PTPRT: variants seen among roughly 807,000 people sequenced by gnomAD.
The protein encoded by PTPRT is receptor-type tyrosine-protein phosphatase T.
A neutral mutation model predicts 176.8 loss-of-function variants in PTPRT; 56 were observed. The observed-to-expected ratio is 0.32, with a 90% confidence interval of 0.26 to 0.40. The LOEUF is 0.40. PTPRT is among the 10% of genes least tolerant of loss of function. The pLI, the probability that PTPRT is intolerant of heterozygous loss-of-function variation, is 1.00. For missense variants in PTPRT, 1,540 were observed against 1,908.2 expected (o/e 0.81, Z 3.60); for synonymous variants, 783 against 739.0 (o/e 1.06, Z -0.96).
Position 42,464,462 on chromosome 20 carries a change from T to C in PTPRT, c.1450+7804A>G, listed in dbSNP as rs75839750. Among the ~76,000 whole-genome samples, 905 of 152,288 alleles carry C rather than the reference T, an allele frequency of 5.9e-3. 2 individuals carry two copies. The highest frequency in any genetic ancestry group is 7.7e-3 in the Non-Finnish European group (523 of 67,988). On this transcript the variant is annotated intron_variant, in intron 8 of 30. Coordinates refer to ENST00000373187, the MANE Select transcript of PTPRT (RefSeq NM_007050.6). ...GGGTGGTCAGGGAATGCCCTTCAGGTAAGATTTTGAATTCTATTTACTCCT... is the reference window on the plus strand; with the variant it reads ...GGGTGGTCAGGGAATGCCCTTCAGGCAAGATTTTGAATTCTATTTACTCCT...
intron 15 of PTPRT, among the ~76,000 whole-genome samples, chr20:42,209,898 A>G (rs7344331): frequency 0.32 from 47,862 of 151,846 alleles, 8,521 homozygotes; most frequent in East Asian, 0.38. Context: ...AAAATCCTCA[A>G]TAAAATACTG....
chr20:42,497,409 C>T (rs1224743658), intron 7 of PTPRT, among the ~76,000 whole-genome samples: 1 of 151,688 alleles, frequency 6.6e-6, no homozygotes, highest in East Asian at 1.9e-4. Context: ...TTGTCTGCTG[C>T]CTCTTGGTGG....
intron 17 of PTPRT, among the ~76,000 whole-genome samples, chr20:42,159,058 T>C (rs892468565): frequency 3.3e-5 from 5 of 151,768 alleles, no homozygotes; most frequent in African/African-American, 1.2e-4. Context: ...AAATTTCAGA[T>C]TGCAAGTTCT....
intron 17 of PTPRT, among the ~76,000 whole-genome samples, chr20:42,146,343 G>T (rs919071340): frequency 2.0e-5 from 3 of 152,088 alleles, no homozygotes; most frequent in African/African-American, 7.2e-5. Flanking sequence ...CTGAAAGTGG[G>T]GTGAAGCCAA....
intron 7 of PTPRT, among the ~76,000 whole-genome samples, chr20:42,555,366 G>A (rs2072841712): frequency 6.6e-6 from 1 of 152,164 alleles, no homozygotes; most frequent in Non-Finnish European, 1.5e-5. Context: ...TGACAGTCTA[G>A]GGCGGCCAGG....
the PTPRT span, among the ~76,000 whole-genome samples, chr20:42,043,197 A>G: frequency 1.3e-5 from 2 of 152,352 alleles, no homozygotes; most frequent in East Asian, 1.9e-4. Flanking sequence ...GACTTTTCCA[A>G]TCAGCCTGTG....
chr20:42,609,107 T>C (rs1283178796), intron 7 of PTPRT, among the ~76,000 whole-genome samples: 5 of 152,130 alleles, frequency 3.3e-5, no homozygotes, highest in Non-Finnish European at 7.4e-5. Context: ...AGAGTCTCCT[T>C]CTGTCACCCA....
intron 9 of PTPRT, among the ~76,000 whole-genome samples, chr20:42,392,883 C>T (rs2058814145): frequency 2.6e-5 from 4 of 152,062 alleles, no homozygotes; most frequent in African/African-American, 9.7e-5. Flanking sequence ...AAAGCATACG[C>T]ATCTATTTAA....
intron 12 of PTPRT, among the ~76,000 whole-genome samples, chr20:42,291,603 G>A (rs113602976): frequency 9.2e-5 from 14 of 152,068 alleles, no homozygotes; most frequent in African/African-American, 3.1e-4. Flanking sequence ...GAGATGGTCT[G>A]CTGCTTTTAG....
chr20:42,940,685 T>C (rs565651580), intron 1 of PTPRT, among the ~76,000 whole-genome samples: 1 of 152,248 alleles, frequency 6.6e-6, no homozygotes, highest in Admixed American at 6.5e-5. Context: ...GATGTGCATC[T>C]CCCTGGGGAA....
At chr20:42,467,781 C>A (rs2071125140) in intron 8 of PTPRT, among the ~76,000 whole-genome samples, 1 of 152,154 alleles carries the variant, frequency 6.6e-6, no homozygotes, top group African/African-American at 2.4e-5. Flanking sequence ...AATGTTGAAT[C>A]TAGATGAGAG....
chr20:42,668,858 A>ATTTTTTT (rs755121515), intron 7 of PTPRT, among the ~76,000 whole-genome samples: 308 of 81,212 alleles, frequency 3.8e-3, no homozygotes, highest in Middle Eastern at 0.016. Flanking sequence ...CGCCCAGCTA[A>ATTTTTTT]TTTTTTTTTT....
intron 11 of PTPRT, among the ~76,000 whole-genome samples, chr20:42,339,321 G>A (rs879907922): frequency 1.4e-4 from 21 of 152,160 alleles, no homozygotes; most frequent in Admixed American, 1.2e-3. Context: ...GAAAACAGAG[G>A]TGTGTTTTTA....
At chr20:42,239,482 G>A (rs1328304854) in intron 14 of PTPRT, among the ~76,000 whole-genome samples, 5 of 142,768 alleles carry the variant, frequency 3.5e-5, no homozygotes, top group Admixed American at 7.3e-5. Flanking sequence ...GTGCAGTGGC[G>A]CGTGATCTCG....
At chr20:42,835,260 G>A (rs1257925488) in intron 2 of PTPRT, among the ~76,000 whole-genome samples, 3 of 152,166 alleles carry the variant, frequency 2.0e-5, no homozygotes, top group Non-Finnish European at 4.4e-5. Context: ...TTTTGAGGGG[G>A]AGTTGGAAAC....
chr20:42,696,880 T>C (rs1395737354), intron 6 of PTPRT, among the ~76,000 whole-genome samples: 1 of 152,166 alleles, frequency 6.6e-6, no homozygotes, highest in African/African-American at 2.4e-5. Context: ...TGCAGCCTTC[T>C]GAGTGACTCC....
At chr20:42,169,417 A>T (rs1036608196) in intron 16 of PTPRT, among the ~76,000 whole-genome samples, 1 of 152,062 alleles carries the variant, frequency 6.6e-6, no homozygotes, top group East Asian at 1.9e-4. Flanking sequence ...TAGACACTCT[A>T]TGTAGGGATG....
chr20:42,800,531 A>G (rs766749765), intron 2 of PTPRT, among the ~76,000 whole-genome samples: 6 of 152,212 alleles, frequency 3.9e-5, no homozygotes, highest in Non-Finnish European at 8.8e-5. Flanking sequence ...GCAGCTCTAA[A>G]TGGAAATGAC....
At chr20:43,019,778 A>T (rs1985567732) in intron 1 of PTPRT, among the ~76,000 whole-genome samples, 2 of 151,922 alleles carry the variant, frequency 1.3e-5, no homozygotes, top group South Asian at 2.1e-4. Flanking sequence ...TGGAATAAAA[A>T]GCTGGAGGAA....
Sources: gnomAD v4.1 joint callset for allele counts (sites outside exome capture counted in the v4.1 genomes callset) on GRCh38, gnomAD v4.1.1 for gene constraint, MANE v1.5 for transcripts, NCBI Gene and HGNC (gene_info 2026-07-23, HGNC 2026-07-21) for gene names.